NFIA: variants seen among roughly 807,000 people sequenced by gnomAD.
The protein encoded by NFIA is nuclear factor 1 A-type.
NFIA carries 8 observed loss-of-function variants against 62.8 expected under a neutral mutation model. That is an observed-to-expected ratio of 0.13 (90% CI 0.07 to 0.23). The LOEUF (loss-of-function observed/expected upper bound fraction) is 0.23, where lower values mean the gene tolerates loss of function less well. NFIA is among the 10% of genes least tolerant of loss of function. NFIA has a pLI of 1.00. For missense variants in NFIA, 410 were observed against 642.1 expected (o/e 0.64, Z 3.91); for synonymous variants, 235 against 238.1 (o/e 0.99, Z 0.12).
chr1:61,340,204 A>G (rs765343638), intron 4 of NFIA, among the ~76,000 whole-genome samples: 8 of 152,184 alleles, frequency 5.3e-5, no homozygotes, highest in Non-Finnish European at 1.0e-4. Flanking sequence ...GAGAAACACA[A>G]CATACCCCTT....
chr1:61,283,594 A>AAAAAAAAAAG (rs59731043), intron 3 of NFIA, among the ~76,000 whole-genome samples: 29,165 of 109,592 alleles, frequency 0.27, 6,480 homozygotes, highest in Non-Finnish European at 0.38. Flanking sequence ...AAAAAAAAAA[A>AAAAAAAAAAG]AAAAAAAAAA....
At chr1:61,278,747 C>T (rs1206331943) in intron 3 of NFIA, among the ~76,000 whole-genome samples, 2 of 152,036 alleles carry the variant, frequency 1.3e-5, no homozygotes, top group South Asian at 2.1e-4. Flanking sequence ...GCTGAGATTG[C>T]GCCACTGCAC....
intron 7 of NFIA, among the ~76,000 whole-genome samples, chr1:61,387,468 C>CTTTTTTTTTTT (rs33965994): frequency 9.4e-5 from 9 of 95,474 alleles, no homozygotes; most frequent in African/African-American, 3.7e-4. Flanking sequence ...CAAGCACTTT[C>CTTTTTTTTTTT]TTTTTTTTTT....
intron 7 of NFIA, among the ~76,000 whole-genome samples, chr1:61,402,380 G>A (rs143536644): frequency 6.6e-6 from 1 of 152,076 alleles, no homozygotes; most frequent in Admixed American, 6.5e-5. Flanking sequence ...TCTTGACCAG[G>A]TGGAGAAACC....
chr1:61,103,196 A>G (rs1384449836), intron 2 of NFIA, among the ~76,000 whole-genome samples: 2 of 152,210 alleles, frequency 1.3e-5, no homozygotes, highest in African/African-American at 2.4e-5. Context: ...GGTACATGGA[A>G]CATATGGAAC....
intron 2 of NFIA, among the ~76,000 whole-genome samples, chr1:61,238,860 T>A (rs1655159779): frequency 6.6e-6 from 1 of 152,132 alleles, no homozygotes; most frequent in South Asian, 2.1e-4. Context: ...CTGTCACAGC[T>A]CTCCTGGGTT....
chr1:61,361,810 TG>T (rs1333189748), intron 6 of NFIA, among the ~76,000 whole-genome samples: 4 of 151,742 alleles, frequency 2.6e-5, no homozygotes, highest in Non-Finnish European at 5.9e-5. Flanking sequence ...TGTGTGTGTG[TG>T]TGTGTGTGTG....
intron 2 of NFIA, among the ~76,000 whole-genome samples, chr1:61,179,358 G>C (rs2100558923): frequency 6.6e-6 from 1 of 152,354 alleles, no homozygotes; most frequent in Non-Finnish European, 1.5e-5. Flanking sequence ...TTTGGAATCA[G>C]GCAGTCTGGG....
intron 2 of NFIA, among the ~76,000 whole-genome samples, chr1:61,270,495 G>A (rs1014359295): frequency 6.6e-6 from 1 of 152,166 alleles, no homozygotes; most frequent in African/African-American, 2.4e-5. Flanking sequence ...AGTTTGTGCA[G>A]ACATCCAGGT....
chr1:61,110,852 A>G (rs1017658747), intron 2 of NFIA, among the ~76,000 whole-genome samples: 4 of 152,112 alleles, frequency 2.6e-5, no homozygotes, highest in Non-Finnish European at 2.9e-5. Context: ...ACCAAAAAGG[A>G]TATTAGGGAT....
In NFIA at chr1:61,153,188, A is replaced by G. The variant is rs554970053; in HGVS notation, c.559+64508A>G. Among the ~76,000 whole-genome samples the G allele has an allele frequency of 4.6e-5, 7 of 152,350 alleles. No individual in the cohort carries two copies. The South Asian group carries it at 1.5e-3, about 32-fold the overall frequency. The stretch of plus-strand genomic sequence containing the variant: ...CGGCACAGTGTTTTCAAACACTTGA[A>G]TTGGAATGTCTTTAGATGGAATCTG... On this transcript the variant is annotated intron_variant, in intron 2 of 10. Coordinates refer to ENST00000403491, the MANE Select transcript of NFIA (RefSeq NM_001134673.4).
intron 4 of NFIA, among the ~76,000 whole-genome samples, chr1:61,350,448 T>C (rs765393657): frequency 4.6e-5 from 7 of 152,128 alleles, no homozygotes; most frequent in South Asian, 2.1e-4. Flanking sequence ...CTGGGCATTA[T>C]GGTAAGGACC....
At chr1:61,218,039 A>C (rs1653757652) in intron 2 of NFIA, among the ~76,000 whole-genome samples, 3 of 152,232 alleles carry the variant, frequency 2.0e-5, no homozygotes, top group Admixed American at 6.5e-5. Flanking sequence ...CAAAACCTTA[A>C]GGCAGAAAGC....
At chr1:61,423,996 A>AAC (rs1553185352) in intron 9 of NFIA, among the ~76,000 whole-genome samples, 3 of 149,816 alleles carry the variant, frequency 2.0e-5, no homozygotes, top group Admixed American at 2.0e-4. Context: ...AATATATATG[A>AAC]ATATATATAT....
At chr1:61,384,431 C>T (rs764695332) in intron 7 of NFIA, among the ~76,000 whole-genome samples, 3 of 152,100 alleles carry the variant, frequency 2.0e-5, no homozygotes, top group Non-Finnish European at 2.9e-5. Context: ...ATGAAACTTA[C>T]TTGTTTCATC....
intron 2 of NFIA, among the ~76,000 whole-genome samples, chr1:61,207,890 A>G (rs1365664819): frequency 1.3e-5 from 2 of 148,428 alleles, no homozygotes; most frequent in East Asian, 2.1e-4. Flanking sequence ...ACATTTGTGT[A>G]GGGGTTTTGC....
intron 3 of NFIA, among the ~76,000 whole-genome samples, chr1:61,327,028 GAA>G (rs869136527): frequency 9.3e-5 from 8 of 85,578 alleles, no homozygotes; most frequent in African/African-American, 1.8e-4. Flanking sequence ...CTTTTTAAAA[GAA>G]AAAAAAATAT....
chr1:61,136,263 G>C (rs1486468079), intron 2 of NFIA, among the ~76,000 whole-genome samples: 1 of 152,146 alleles, frequency 6.6e-6, no homozygotes, highest in Non-Finnish European at 1.5e-5. Flanking sequence ...TATTTTTCCT[G>C]ACAACTGAAG....
intron 4 of NFIA, among the ~76,000 whole-genome samples, chr1:61,344,131 G>A (rs1662082936): frequency 6.6e-6 from 1 of 152,180 alleles, no homozygotes; most frequent in South Asian, 2.1e-4. Context: ...AGATAACAAA[G>A]GAGTTGAATT....
Sources: gnomAD v4.1 joint callset for allele counts (sites outside exome capture counted in the v4.1 genomes callset) on GRCh38, gnomAD v4.1.1 for gene constraint, MANE v1.5 for transcripts, NCBI Gene and HGNC (gene_info 2026-07-23, HGNC 2026-07-21) for gene names.